PAPPA: variants seen among roughly 807,000 people sequenced by gnomAD.
PAPPA encodes the protein pappalysin-1.
PAPPA carries 60 observed loss-of-function variants against 164.0 expected under a neutral mutation model. The ratio of observed to expected loss-of-function variants is 0.37; its 90% CI spans 0.30 to 0.45. The LOEUF is 0.45. PAPPA is among the 20% of genes least tolerant of loss of function. The probability of loss-of-function intolerance (pLI) is 1.00; values close to 1 mark genes in which losing one functional copy is unlikely to be tolerated. For synonymous variants in PAPPA, 875 were observed against 814.1 expected (o/e 1.07, Z -1.27); for missense variants, 1,782 against 2,087.3 (o/e 0.85, Z 2.85).
intron 3 of PAPPA, among the ~76,000 whole-genome samples, chr9:116,210,456 AC>A (rs1035379884): frequency 6.6e-6 from 1 of 151,946 alleles, no homozygotes; most frequent in African/African-American, 2.4e-5. Context: ...ACAAGACCCT[AC>A]CTCCTCACCA....
rs188302969 is a variant in PAPPA at position 116,220,441 on chromosome 9, G to A, written c.2111+312G>A. On this transcript the variant is annotated intron_variant, in intron 5 of 21. Coordinates refer to ENST00000328252, the MANE Select transcript of PAPPA (RefSeq NM_002581.5). ...GGAGGTAATAGTCTCATCTCCATGA[G>A]CTCAGGAGTTGTGATTGCCTGGGCA... Among the ~76,000 whole-genome samples the A allele has an allele frequency of 1.5e-4, 23 of 150,654 alleles. No homozygotes were observed. The East Asian group carries it at 3.3e-3, about 22-fold the overall frequency.
At chr9:116,203,470 T>C (rs449807) in intron 2 of PAPPA, among the ~76,000 whole-genome samples, 9 of 151,936 alleles carry the variant, frequency 5.9e-5, no homozygotes, top group Non-Finnish European at 1.3e-4. Context: ...AAAAGACAGA[T>C]GCTCACACAG....
intron 5 of PAPPA, 114 bp from the exon 6 acceptor site, chr9:116,227,317 G>C: frequency 9.0e-7 from 1 of 1,106,686 alleles, no homozygotes; most frequent in Admixed American, 2.1e-5. Context: ...GCAGGAAAGG[G>C]GGAAACACAG....
chr9:116,249,318 A>G (rs1466132248), intron 7 of PAPPA, among the ~76,000 whole-genome samples: 1 of 152,182 alleles, frequency 6.6e-6, no homozygotes, highest in Non-Finnish European at 1.5e-5. Context: ...AGGGAAGGAA[A>G]GTGAGACTGC....
chr9:116,199,661 C>A (rs1433097106), intron 2 of PAPPA, among the ~76,000 whole-genome samples: 1 of 152,130 alleles, frequency 6.6e-6, no homozygotes, highest in African/African-American at 2.4e-5. Context: ...GTATACAAGA[C>A]CCTTCCTGAT....
intron 9 of PAPPA, among the ~76,000 whole-genome samples, chr9:116,277,034 CTT>C (rs1174055868): frequency 6.6e-6 from 1 of 152,046 alleles, no homozygotes; most frequent in Non-Finnish European, 1.5e-5. Flanking sequence ...TCCGATGAGA[CTT>C]TAGAACAACA....
chr9:116,284,906 T>A (rs1401057409), intron 9 of PAPPA, among the ~76,000 whole-genome samples: 1 of 152,156 alleles, frequency 6.6e-6, no homozygotes, highest in Non-Finnish European at 1.5e-5. Flanking sequence ...TAGGCTTTTA[T>A]AAGAGAAAGC....
At chr9:116,368,839 A>G (rs1846535019) in intron 19 of PAPPA, among the ~76,000 whole-genome samples, 1 of 152,152 alleles carries the variant, frequency 6.6e-6, no homozygotes, top group Non-Finnish European at 1.5e-5. Flanking sequence ...AGCTGGGCAG[A>G]ACCTGATACT....
At chr9:116,267,881 C>CAAAA (rs61670954) in intron 8 of PAPPA, among the ~76,000 whole-genome samples, 18 of 57,594 alleles carry the variant, frequency 3.1e-4, no homozygotes, top group East Asian at 4.8e-4. Context: ...GACTCCGTCT[C>CAAAA]AAAAAAAAAA....
chr9:116,252,458 C>T (rs139407949), intron 7 of PAPPA, among the ~76,000 whole-genome samples: 22 of 152,286 alleles, frequency 1.4e-4, no homozygotes, highest in African/African-American at 5.1e-4. Context: ...ACTGAGTCCT[C>T]AGCATGACAG....
chr9:116,166,640 G>T (rs1006958864), intron 1 of PAPPA, among the ~76,000 whole-genome samples: 26 of 152,188 alleles, frequency 1.7e-4, no homozygotes, highest in African/African-American at 6.3e-4. Flanking sequence ...AATGAAAGCA[G>T]CTAGCTTATA....
chr9:116,227,639 G>A (rs949801091), intron 6 of PAPPA, 87 bp downstream of exon 6: 1 of 1,402,616 alleles, frequency 7.1e-7, no homozygotes, highest in South Asian at 1.3e-5. Context: ...TTATTTTTAT[G>A]GGTCTTTGCC....
intron 4 of PAPPA, among the ~76,000 whole-genome samples, chr9:116,214,354 A>T (rs1587955366): frequency 6.6e-6 from 1 of 152,216 alleles, no homozygotes; most frequent in East Asian, 1.9e-4. Flanking sequence ...GAATCCCCAC[A>T]GTAGCCCAAG....
intron 5 of PAPPA, among the ~76,000 whole-genome samples, chr9:116,222,226 C>T (rs2118711121): frequency 6.6e-6 from 1 of 152,242 alleles, no homozygotes; most frequent in South Asian, 2.1e-4. Context: ...CCTAGGAGTC[C>T]ATCATCAGAT....
At chr9:116,285,538 G>A (rs1001891989) in intron 9 of PAPPA, among the ~76,000 whole-genome samples, 2 of 152,210 alleles carry the variant, frequency 1.3e-5, no homozygotes, top group South Asian at 2.1e-4. Context: ...CTCACCACCC[G>A]TTCCTCCTCT....
intron 9 of PAPPA, among the ~76,000 whole-genome samples, chr9:116,284,667 C>A (rs766395030): frequency 1.3e-5 from 2 of 150,250 alleles, no homozygotes. Flanking sequence ...TCTTTCCAGA[C>A]CTGCTGCAAG....
chr9:116,280,386 G>C (rs1297509774), intron 9 of PAPPA, among the ~76,000 whole-genome samples: 1 of 152,174 alleles, frequency 6.6e-6, no homozygotes, highest in African/African-American at 2.4e-5. Context: ...TTTAAGCTGA[G>C]ACTTGAGGGT....
In PAPPA at chr9:116,154,155, C is replaced by CGGGGGGCCGGGGGGGGG; in HGVS notation, c.-12_-11insCCGGGGGGGGGGGGGGG. 2.2e-6 allele frequency: 1 copy of CGGGGGGCCGGGGGGGGG among 464,958 alleles called. No individual in the cohort carries two copies. Among genetic ancestry groups the CGGGGGGCCGGGGGGGGG allele is most frequent in the Non-Finnish European group, 2.9e-6 (1 of 345,688 alleles). The allele number at this position is 464,958 out of a possible 1,614,324, so 28.8% of individuals were successfully genotyped here. A position where few individuals can be genotyped will look rare whatever the true frequency, so the allele number is the denominator to read the frequency against. The stretch of plus-strand genomic sequence containing the variant: ...TGGCGGTGCAGGGGCGAAGGGGGGG[C>CGGGGGGCCGGGGGGGGG]GGGGGGAACCGTCGGACATGCGGCT... On this transcript the variant is annotated 5_prime_UTR_variant, in exon 1 of 22. Coordinates refer to ENST00000328252, the MANE Select transcript of PAPPA (RefSeq NM_002581.5). The surrounding 1 kb of genome is among the most constrained non-coding windows in gnomAD (Gnocchi z 5.2).
chr9:116,365,566 T>TTTTTTTTTTC (rs1554755536), intron 18 of PAPPA, among the ~76,000 whole-genome samples: 2 of 137,886 alleles, frequency 1.5e-5, no homozygotes, highest in Non-Finnish European at 1.6e-5. Flanking sequence ...TTTTTTTTTT[T>TTTTTTTTTTC]CCTCTCTTGG....
Sources: gnomAD v4.1 joint callset for allele counts (sites outside exome capture counted in the v4.1 genomes callset) on GRCh38, gnomAD v4.1.1 for gene constraint, Gnocchi (gnomAD v3.1) non-coding constraint, MANE v1.5 for transcripts, NCBI Gene and HGNC (gene_info 2026-07-23, HGNC 2026-07-21) for gene names.